Variants in SHISA9 observed in about 807,000 individuals in gnomAD.
SHISA9 encodes protein shisa-9.
A neutral mutation model predicts 38.0 loss-of-function variants in SHISA9; 13 were observed. The ratio of observed to expected loss-of-function variants is 0.34; its 90% CI spans 0.22 to 0.54. The LOEUF is 0.54. Among genes scored for constraint, SHISA9 ranks in the 20% least tolerant of loss-of-function variants. The pLI, the probability that SHISA9 is intolerant of heterozygous loss-of-function variation, is 0.91. For synonymous variants in SHISA9, 275 were observed against 242.0 expected (o/e 1.14, Z -1.27); for missense variants, 538 against 575.8 (o/e 0.93, Z 0.67).
At chr16:13,286,729 T>G in the SHISA9 span, among the ~76,000 whole-genome samples, 1 of 152,094 alleles carries the variant, frequency 6.6e-6, no homozygotes, top group Non-Finnish European at 1.5e-5. Context: ...ACAGCAGACA[T>G]CCATAGATAG....
chr16:13,095,531 T>C (rs2073816543), intron 2 of SHISA9, among the ~76,000 whole-genome samples: 1 of 152,246 alleles, frequency 6.6e-6, no homozygotes, highest in Non-Finnish European at 1.5e-5. Context: ...TCCTCAGAAC[T>C]GTTCTAGCTC....
At chr16:13,405,370 G>C in the SHISA9 span, among the ~76,000 whole-genome samples, 4 of 152,324 alleles carry the variant, frequency 2.6e-5, no homozygotes, top group South Asian at 8.3e-4. Flanking sequence ...TCTGTGCAGT[G>C]TGCACTCACC....
chr16:13,326,968 A>C, the SHISA9 span, among the ~76,000 whole-genome samples: 2 of 152,182 alleles, frequency 1.3e-5, no homozygotes, highest in East Asian at 3.9e-4. Context: ...TCCTGAAAAC[A>C]ACCTCCTCAA....
At chr16:13,057,937 T>A (rs894949450) in intron 2 of SHISA9, among the ~76,000 whole-genome samples, 3 of 152,200 alleles carry the variant, frequency 2.0e-5, no homozygotes, top group African/African-American at 7.2e-5. Flanking sequence ...TTGCTGAGGA[T>A]AATGGCTTCA....
At chr16:13,141,654 G>A (rs2050402950) in intron 2 of SHISA9, among the ~76,000 whole-genome samples, 1 of 152,062 alleles carries the variant, frequency 6.6e-6, no homozygotes, top group Non-Finnish European at 1.5e-5. Context: ...CTATACTCCA[G>A]CCAGGTGACA....
At chr16:13,029,188 C>G (rs1452659873) in intron 2 of SHISA9, among the ~76,000 whole-genome samples, 1 of 152,196 alleles carries the variant, frequency 6.6e-6, no homozygotes, top group Non-Finnish European at 1.5e-5. Flanking sequence ...GATCTGTACT[C>G]CTGTTTGTTG....
the SHISA9 span, among the ~76,000 whole-genome samples, chr16:13,464,245 A>G: frequency 8.8e-3 from 1,344 of 152,268 alleles, 23 homozygotes; most frequent in African/African-American, 0.031. Flanking sequence ...TCTAAAGAAT[A>G]ATCACCTCAT....
intron 2 of SHISA9, among the ~76,000 whole-genome samples, chr16:13,193,956 G>T (rs1027081658): frequency 1.1e-4 from 16 of 152,270 alleles, no homozygotes; most frequent in African/African-American, 3.1e-4. Context: ...CTCAGAGGAA[G>T]CAGGACAAGA....
At chr16:12,996,097 A>C (rs556041040) in intron 2 of SHISA9, among the ~76,000 whole-genome samples, 28 of 152,342 alleles carry the variant, frequency 1.8e-4, no homozygotes, top group Non-Finnish European at 1.3e-4. Context: ...GCCTCTTTTT[A>C]TCTGTTGCCA....
the SHISA9 span, among the ~76,000 whole-genome samples, chr16:13,321,724 G>C: frequency 6.6e-6 from 1 of 152,184 alleles, no homozygotes; most frequent in Non-Finnish European, 1.5e-5. Context: ...GTGTATGGCT[G>C]TGTGTGCAAT....
chr16:13,482,841 T>C, the SHISA9 span, among the ~76,000 whole-genome samples: 11 of 147,358 alleles, frequency 7.5e-5, no homozygotes, highest in African/African-American at 2.2e-4. Flanking sequence ...GTGTCCAAGG[T>C]CACCGAGTCA....
intron 2 of SHISA9, among the ~76,000 whole-genome samples, chr16:13,089,966 G>A (rs537657413): frequency 1.7e-4 from 26 of 152,270 alleles, no homozygotes; most frequent in African/African-American, 6.0e-4. Context: ...TCTACACACT[G>A]CTTCAAATGT....
intron 2 of SHISA9, among the ~76,000 whole-genome samples, chr16:13,090,014 T>C (rs1966860036): frequency 6.6e-6 from 1 of 152,210 alleles, no homozygotes; most frequent in South Asian, 2.1e-4. Flanking sequence ...TTTGTTCTCA[T>C]TGGTTTCAAA....
At chr16:13,017,127 C>T (rs2072767243) in intron 2 of SHISA9, among the ~76,000 whole-genome samples, 1 of 151,508 alleles carries the variant, frequency 6.6e-6, no homozygotes, top group Non-Finnish European at 1.5e-5. Flanking sequence ...TTAAGTGATT[C>T]TCCTGCTTCA....
At chr16:13,191,054 G>C (rs1365789944) in intron 2 of SHISA9, among the ~76,000 whole-genome samples, 1 of 151,866 alleles carries the variant, frequency 6.6e-6, no homozygotes, top group East Asian at 1.9e-4. Context: ...ATTTTGAGTT[G>C]GATTGGATAC....
intron 1 of SHISA9, among the ~76,000 whole-genome samples, chr16:12,916,397 CATT>C (rs1483932900): frequency 6.6e-6 from 1 of 152,142 alleles, no homozygotes; most frequent in East Asian, 1.9e-4. Flanking sequence ...AGTGCAGACA[CATT>C]ATATGTATTC....
the SHISA9 span, among the ~76,000 whole-genome samples, chr16:13,394,955 GTGTGTGTGTGTGTGGCTGTT>G: frequency 1.4e-5 from 2 of 146,324 alleles, no homozygotes; most frequent in African/African-American, 5.5e-5. Flanking sequence ...GTGTGTGTGT[GTGTGTGTGTGTGTGGCTGTT>G]TGTGTGTGTG....
chr16:13,541,416 C>T, the SHISA9 span, among the ~76,000 whole-genome samples: 1 of 152,160 alleles, frequency 6.6e-6, no homozygotes, highest in East Asian at 1.9e-4. Flanking sequence ...TGTGCACCCC[C>T]GCCTTTGCCT....
intron 2 of SHISA9, among the ~76,000 whole-genome samples, chr16:12,931,371 A>G (rs2071459451): frequency 6.6e-6 from 1 of 152,162 alleles, no homozygotes; most frequent in African/African-American, 2.4e-5. Context: ...GGTGCAAATG[A>G]TCCTGTCACC....
Sources: gnomAD v4.1 joint callset for allele counts (sites outside exome capture counted in the v4.1 genomes callset) on GRCh38, gnomAD v4.1.1 for gene constraint, MANE v1.5 for transcripts, NCBI Gene and HGNC (gene_info 2026-07-23, HGNC 2026-07-21) for gene names.